The following MAP4K4 variants were observed in gnomAD, a reference collection of about 807,000 sequenced individuals.
MAP4K4 encodes the protein HPK/GCK-like kinase HGK.
MAP4K4 carries 38 observed loss-of-function variants against 189.6 expected under a neutral mutation model. The ratio of observed to expected loss-of-function variants is 0.20; its 90% CI spans 0.15 to 0.26. MAP4K4 has a LOEUF of 0.26. Among genes scored for constraint, MAP4K4 ranks in the 10% least tolerant of loss-of-function variants. The pLI, the probability that MAP4K4 is intolerant of heterozygous loss-of-function variation, is 1.00. For synonymous variants in MAP4K4, 610 were observed against 624.3 expected (o/e 0.98, Z 0.34); for missense variants, 1,054 against 1,726.9 (o/e 0.61, Z 6.91).
intron 2 of MAP4K4, among the ~76,000 whole-genome samples, chr2:101,728,510 T>C (rs1428502905): frequency 1.3e-5 from 2 of 152,138 alleles, no homozygotes; most frequent in Non-Finnish European, 2.9e-5. Flanking sequence ...GATTTTATAG[T>C]AACACTTTTT....
intron 1 of MAP4K4, 22 bp from the exon 2 acceptor site, chr2:101,698,451 C>T (rs755185128): frequency 1.9e-5 from 30 of 1,603,128 alleles, no homozygotes; most frequent in African/African-American, 2.7e-5. Context: ...AAATGATAAC[C>T]CCTCCCCTCC....
At chr2:101,734,984 C>G (rs1023622982) in intron 2 of MAP4K4, among the ~76,000 whole-genome samples, 3 of 152,138 alleles carry the variant, frequency 2.0e-5, no homozygotes, top group Admixed American at 2.0e-4. Flanking sequence ...TGTTCATGAG[C>G]AGGGTGTTGT....
At chr2:101,747,221 C>G (rs544023524) in intron 2 of MAP4K4, among the ~76,000 whole-genome samples, 17 of 152,220 alleles carry the variant, frequency 1.1e-4, no homozygotes, top group Non-Finnish European at 1.9e-4. Flanking sequence ...TGGGTTCATG[C>G]GATCCTCCTG....
intron 2 of MAP4K4, among the ~76,000 whole-genome samples, chr2:101,736,516 G>T (rs1472133757): frequency 6.6e-6 from 1 of 152,180 alleles, no homozygotes; most frequent in Non-Finnish European, 1.5e-5. Context: ...TGCCATCTTT[G>T]GTTAGTAATG....
At chr2:101,775,055 A>G (rs989351139) in intron 2 of MAP4K4, among the ~76,000 whole-genome samples, 1 of 133,086 alleles carries the variant, frequency 7.5e-6, no homozygotes, top group Non-Finnish European at 1.6e-5. Flanking sequence ...TTTTTTTTTT[A>G]AAGGGGCTGA....
At chr2:101,704,800 T>A (rs1433258110) in intron 2 of MAP4K4, among the ~76,000 whole-genome samples, 2 of 151,612 alleles carry the variant, frequency 1.3e-5, no homozygotes, top group African/African-American at 4.9e-5. Context: ...CAGGGTAAAG[T>A]TTTTAGACAT....
At chr2:101,840,373 C>T (rs1443271710) in intron 10 of MAP4K4, among the ~76,000 whole-genome samples, 1 of 152,148 alleles carries the variant, frequency 6.6e-6, no homozygotes, top group Non-Finnish European at 1.5e-5. Context: ...TTCTCCTGCC[C>T]AAGAACCCCC....
At chr2:101,859,528 T>G in intron 14 of MAP4K4, 115 bp from the exon 15 acceptor site, 1 of 816,454 alleles carries the variant, frequency 1.2e-6, no homozygotes, top group Non-Finnish European at 1.9e-6. Context: ...TTTGCTTTCT[T>G]ACAAAACACA....
intron 2 of MAP4K4, among the ~76,000 whole-genome samples, chr2:101,701,216 A>G (rs2038480728): frequency 1.3e-5 from 2 of 152,312 alleles, no homozygotes; most frequent in East Asian, 1.9e-4. Flanking sequence ...TGAGGCAACT[A>G]TATTTACATG....
chr2:101,763,662 G>T (rs531128342), intron 2 of MAP4K4, among the ~76,000 whole-genome samples: 1 of 152,304 alleles, frequency 6.6e-6, no homozygotes, highest in South Asian at 2.1e-4. Context: ...TGGCACAGAA[G>T]GCCCTGGCAT....
At chr2:101,715,179 T>A (rs192660473) in intron 2 of MAP4K4, among the ~76,000 whole-genome samples, 1 of 152,340 alleles carries the variant, frequency 6.6e-6, no homozygotes, top group East Asian at 1.9e-4. Flanking sequence ...AATGGCCACC[T>A]TCTTAGCCTT....
chr2:101,806,647 G>A (rs899724636), intron 3 of MAP4K4, among the ~76,000 whole-genome samples: 1 of 152,134 alleles, frequency 6.6e-6, no homozygotes, highest in South Asian at 2.1e-4. Flanking sequence ...CAAAGTGCTG[G>A]GATTGCAGGC....
rs748243990 is a variant in MAP4K4 at position 101,888,776 on chromosome 2, A to G, written c.3932-20A>G. On this transcript the variant is annotated intron_variant, in intron 31 of 32. Transcript: ENST00000324219. Reference sequence around the variant, plus strand: ...TGTTTCCTCATCTTTAACGGTTTGCAATTTTTCCCTCCCCAAAAGCATATA... The same window carrying G: ...TGTTTCCTCATCTTTAACGGTTTGCGATTTTTCCCTCCCCAAAAGCATATA... 4.5e-6 allele frequency: 7 copies of G among 1,568,910 alleles called. No individual in the cohort carries two copies. Among genetic ancestry groups the G allele is most frequent in the Non-Finnish European group, 6.0e-6 (7 of 1,160,384 alleles).
chr2:101,698,430 T>C (rs1197989259), intron 1 of MAP4K4, 43 bp from the exon 2 acceptor site: 5 of 1,509,248 alleles, frequency 3.3e-6, no homozygotes, highest in South Asian at 1.1e-5. Context: ...TTCATTTTTT[T>C]GGCTTCTTTT....
intron 2 of MAP4K4, among the ~76,000 whole-genome samples, chr2:101,719,808 T>TC (rs1268407331): frequency 6.6e-6 from 1 of 151,850 alleles, no homozygotes; most frequent in Non-Finnish European, 1.5e-5. Context: ...GGTCAGGAGT[T>TC]CAAGACCAGT....
At position 101,889,034 on chromosome 2, in the gene MAP4K4, A is replaced by AGCT. The variant is rs1360636864; in HGVS notation, c.4071+99_4071+100insGCT. On this transcript the variant is annotated intron_variant, in intron 32 of 32. Transcript: ENST00000324219. ...GATTAATTTCCTTGGAGTTTTGATA[A>AGCT]AAATAATCAAGGAACTTTTTAAACG... 9.6e-6 allele frequency: 11 copies of AGCT among 1,146,072 alleles called. No homozygotes were observed. The African/African-American group carries it at 1.7e-4, about 18-fold the overall frequency. 71.0% of individuals were successfully genotyped at this position (1,146,072 alleles called of 1,614,324 possible). A position where few individuals can be genotyped will look rare whatever the true frequency, so the allele number is the denominator to read the frequency against.
At chr2:101,783,993 GT>G (rs765623413) in intron 2 of MAP4K4, among the ~76,000 whole-genome samples, 4 of 152,126 alleles carry the variant, frequency 2.6e-5, no homozygotes, top group African/African-American at 4.8e-5. Flanking sequence ...ACTCAAACCT[GT>G]CCCCTTCTGG....
chr2:101,874,279 C>A, intron 26 of MAP4K4, 27 bp downstream of exon 26: 1 of 1,584,060 alleles, frequency 6.3e-7, no homozygotes, highest in Non-Finnish European at 8.6e-7. Context: ...TACTCCAACA[C>A]TTTCATTTTT....
At chr2:101,824,098 G>C (rs1388672102) in intron 4 of MAP4K4, 45 bp downstream of exon 4, 11 of 403,300 alleles carry the variant, frequency 2.7e-5, no homozygotes, top group Non-Finnish European at 4.2e-5. Flanking sequence ...CCATTTGCTT[G>C]AATTGTAAGG....
Sources: gnomAD v4.1 joint callset for allele counts (sites outside exome capture counted in the v4.1 genomes callset) on GRCh38, gnomAD v4.1.1 for gene constraint, MANE v1.5 for transcripts, NCBI Gene and HGNC (gene_info 2026-07-23, HGNC 2026-07-21) for gene names.